The following KCTD3 variants were observed in gnomAD, a reference collection of about 807,000 sequenced individuals.
KCTD3 encodes potassium channel tetramerization domain containing 3.
In KCTD3, 41 loss-of-function variants were observed where a neutral mutation model predicts 85.8. The ratio of observed to expected loss-of-function variants is 0.48; its 90% CI spans 0.37 to 0.62. KCTD3 has a LOEUF of 0.62. KCTD3 is among the 20% of genes least tolerant of loss of function. The pLI is 0.00. For synonymous variants in KCTD3, 338 were observed against 345.4 expected, an observed-to-expected ratio of 0.98 and a Z score of 0.24; for missense variants, 724 against 989.9, an observed-to-expected ratio of 0.73 and a Z score of 3.60.
intron 10 of KCTD3, among the ~76,000 whole-genome samples, chr1:215,595,811 G>T (rs769285993): frequency 7.9e-5 from 12 of 152,130 alleles, no homozygotes; most frequent in Non-Finnish European, 1.3e-4. Context: ...GTTCAGAGAT[G>T]ATAGCATGCT....
At chr1:215,594,525 C>G (rs1571886119) in intron 9 of KCTD3, among the ~76,000 whole-genome samples, 1 of 152,306 alleles carries the variant, frequency 6.6e-6, no homozygotes, top group African/African-American at 2.4e-5. Flanking sequence ...CCTTTAAAAA[C>G]TCCAACTCAG....
intron 5 of KCTD3, 53 bp from the exon 6 acceptor site, chr1:215,577,948 C>T (rs773461881): frequency 2.4e-5 from 38 of 1,580,700 alleles, no homozygotes; most frequent in Non-Finnish European, 1.7e-6. Context: ...AAATGGAGTA[C>T]TGTTTTTCTG....
intron 4 of KCTD3, 108 bp from the exon 5 acceptor site, chr1:215,577,562 A>G: frequency 1.5e-6 from 1 of 685,942 alleles, no homozygotes; most frequent in Non-Finnish European, 2.6e-6. Context: ...AATAATTTTT[A>G]AAGCCTTATG....
chr1:215,574,266 GT>G (rs757796855), intron 3 of KCTD3, 148 bp downstream of exon 3: 1 of 482,672 alleles, frequency 2.1e-6, no homozygotes. Flanking sequence ...GTCATATGTA[GT>G]TTTTTATAAT....
At chr1:215,618,597 C>T (rs902199547) in intron 15 of KCTD3, 4 of 252,446 alleles carry the variant, frequency 1.6e-5, no homozygotes, top group Non-Finnish European at 3.0e-5. Context: ...AAATTGTTCT[C>T]TCTCAGGTTC....
chr1:215,614,621 A>G (rs1655361662), intron 15 of KCTD3, among the ~76,000 whole-genome samples: 1 of 151,938 alleles, frequency 6.6e-6, no homozygotes, highest in South Asian at 2.1e-4. Flanking sequence ...TCTCAGTTTT[A>G]ATGTTAATTG....
intron 14 of KCTD3, among the ~76,000 whole-genome samples, chr1:215,611,192 TCTTTC>T (rs1253817083): frequency 6.6e-6 from 1 of 152,054 alleles, no homozygotes; most frequent in East Asian, 1.9e-4. Context: ...AATAATTGAA[TCTTTC>T]CTTTTAGATT....
In KCTD3 at chr1:215,618,923, T is replaced by G; in HGVS notation, c.1600T>G (p.Ser534Ala). 1.2e-6 allele frequency: 2 copies of G among 1,613,004 alleles called. No individual in the cohort carries two copies. The highest frequency in any genetic ancestry group is 1.7e-6 in the Non-Finnish European group (2 of 1,179,624). Residue 534 changes from serine (S) to alanine (A), a missense_variant, in exon 16 of 18, where the codon TCC becomes GCC. Ser to Ala is a moderately conservative substitution (Grantham distance 99). Transcript: ENST00000259154. The stretch of plus-strand genomic sequence containing the variant: ...CCAGGCTGTTGACTGTACTACAATA[T>G]CCTCATTTACAGTGAGGGAATGTGA... ...EIQAVDCTTI[S>A]SFTVRECEGS...
intron 9 of KCTD3, among the ~76,000 whole-genome samples, chr1:215,592,194 C>A (rs1660251684): frequency 6.6e-6 from 1 of 152,150 alleles, no homozygotes; most frequent in African/African-American, 2.4e-5. Flanking sequence ...TTGGGTGGGG[C>A]ACAGAACCAA....
intron 4 of KCTD3, 103 bp downstream of exon 4, chr1:215,576,077 T>G: frequency 1.5e-6 from 1 of 688,384 alleles, no homozygotes. Flanking sequence ...TTTTTTTTCC[T>G]TGAGTTGCAG....
At chr1:215,602,458 A>G (rs542914844) in intron 12 of KCTD3, among the ~76,000 whole-genome samples, 3 of 152,042 alleles carry the variant, frequency 2.0e-5, no homozygotes, top group Admixed American at 6.6e-5. Context: ...ATATTATTAT[A>G]ATGTTAGCTG....
chr1:215,569,808 AC>A (rs2102549279), intron 1 of KCTD3, among the ~76,000 whole-genome samples: 1 of 152,302 alleles, frequency 6.6e-6, no homozygotes, highest in East Asian at 1.9e-4. Flanking sequence ...TAGCAAAGAT[AC>A]AAAATAGTAC....
At chr1:215,583,119 GTTTTT>G (rs911433013) in intron 8 of KCTD3, among the ~76,000 whole-genome samples, 1 of 146,394 alleles carries the variant, frequency 6.8e-6, no homozygotes, top group Non-Finnish European at 1.5e-5. Flanking sequence ...AGATTATATA[GTTTTT>G]TTTTTTAAGT....
chr1:215,614,283 C>A (rs912809740), intron 15 of KCTD3, among the ~76,000 whole-genome samples: 1 of 151,854 alleles, frequency 6.6e-6, no homozygotes, highest in African/African-American at 2.4e-5. Flanking sequence ...CGCTCACCTC[C>A]GCCTCCCAAA....
At chr1:215,607,406 C>T (rs1387354689) in intron 13 of KCTD3, among the ~76,000 whole-genome samples, 1 of 151,868 alleles carries the variant, frequency 6.6e-6, no homozygotes, top group Non-Finnish European at 1.5e-5. Context: ...GGAGACATTT[C>T]AGTATATGCT....
chr1:215,576,334 G>A (rs1349212697), intron 4 of KCTD3, among the ~76,000 whole-genome samples: 2 of 151,708 alleles, frequency 1.3e-5, no homozygotes, highest in African/African-American at 4.8e-5. Flanking sequence ...CTCCCAAAGT[G>A]CAGGGATTAC....
chr1:215,578,524 C>T (rs2102559127), intron 6 of KCTD3, among the ~76,000 whole-genome samples: 1 of 152,240 alleles, frequency 6.6e-6, no homozygotes, highest in Non-Finnish European at 1.5e-5. Context: ...CACCTCAGCC[C>T]CACTTTAGTT....
intron 9 of KCTD3, among the ~76,000 whole-genome samples, chr1:215,594,649 T>C (rs1428798354): frequency 6.6e-6 from 1 of 151,794 alleles, no homozygotes; most frequent in East Asian, 1.9e-4. Flanking sequence ...TTATAATTGG[T>C]TGCAGTTTTT....
intron 1 of KCTD3, among the ~76,000 whole-genome samples, chr1:215,570,820 C>T (rs900867560): frequency 6.6e-6 from 1 of 152,162 alleles, no homozygotes; most frequent in Non-Finnish European, 1.5e-5. Context: ...CCAGATTGTA[C>T]ATGACTCTGT....
Sources: gnomAD v4.1 joint callset for allele counts (sites outside exome capture counted in the v4.1 genomes callset) on GRCh38, gnomAD v4.1.1 for gene constraint, MANE v1.5 for transcripts, NCBI Gene and HGNC (gene_info 2026-07-23, HGNC 2026-07-21) for gene names.